The following IRAG2 variants were observed in gnomAD, a reference collection of about 807,000 sequenced individuals.
IRAG2 encodes the protein lymphoid restricted membrane protein.
Under a neutral mutation model 69.9 loss-of-function variants are expected in IRAG2, and 45 were observed. The observed-to-expected ratio is 0.64, with a 90% CI of 0.51 to 0.83. The LOEUF (loss-of-function observed/expected upper bound fraction) is 0.83. Among genes scored for constraint, IRAG2 ranks in the 40% least tolerant of loss-of-function variants. The pLI, the probability that IRAG2 is intolerant of heterozygous loss-of-function variation, is 0.00. For synonymous variants in IRAG2, 193 were observed against 202.4 expected, an observed-to-expected ratio of 0.95 and a Z score of 0.40; for missense variants, 520 against 587.0, an observed-to-expected ratio of 0.89 and a Z score of 1.18.
Position 25,107,860 on chromosome 12 carries a change from A to T in IRAG2, c.1300A>T (p.Ile434Phe), listed in dbSNP as rs1374817758. Residue 434 changes from isoleucine (I) to phenylalanine (F), a missense_variant, in exon 22 of 22, where the codon ATC becomes TTC. Coordinates refer to ENST00000556887, the MANE Select transcript of IRAG2 (RefSeq NM_001366544.2). The stretch of plus-strand genomic sequence containing the variant: ...CTGGGCAACAAATCTCAAGTCCTCC[A>T]TCAGAAAGGCTAATAAGGCCCTCTG... The part of the protein sequence containing the change: ...ASWATNLKSS[I>F]RKANKALWLS... 1 of 1,614,080 alleles carries T rather than the reference A, an allele frequency of 6.2e-7. No individual in the cohort carries two copies. The highest frequency in any genetic ancestry group is 1.1e-5 in the South Asian group (1 of 91,086).
chr12:25,073,370 C>T (rs116019986), intron 6 of IRAG2, among the ~76,000 whole-genome samples: 1,720 of 152,264 alleles, frequency 0.011, 20 homozygotes, highest in African/African-American at 0.031. Flanking sequence ...TGTTGAATGC[C>T]TATTTATTTA....
chr12:25,056,363 G>T (rs998518523), intron 1 of IRAG2, among the ~76,000 whole-genome samples: 1 of 152,180 alleles, frequency 6.6e-6, no homozygotes, highest in Admixed American at 6.5e-5. Flanking sequence ...ACTCTGATAG[G>T]ATAGGGACCC....
chr12:25,005,792 C>CA (rs1251214753), intron 2 of IRAG2, among the ~76,000 whole-genome samples: 1 of 151,980 alleles, frequency 6.6e-6, no homozygotes, highest in African/African-American at 2.4e-5. Context: ...CCTAAAACTA[C>CA]AAAAACCCTA....
intron 10 of IRAG2, among the ~76,000 whole-genome samples, chr12:25,087,153 CTT>C (rs780510333): frequency 3.0e-3 from 226 of 76,600 alleles, no homozygotes; most frequent in African/African-American, 0.011. Flanking sequence ...ACTCTCCTTC[CTT>C]TTTTTTTTTT....
chr12:25,004,368 G>A (rs1944414962), exon 1 of IRAG2: 2 of 1,232,032 alleles, frequency 1.6e-6, no homozygotes, highest in Non-Finnish European at 1.0e-6. Flanking sequence ...AGGTAACTGA[G>A]AAGCGGCATA....
intron 2 of IRAG2, among the ~76,000 whole-genome samples, chr12:25,010,599 AG>A (rs1407583738): frequency 6.6e-6 from 1 of 152,210 alleles, no homozygotes; most frequent in African/African-American, 2.4e-5. Flanking sequence ...AAAACTTTGA[AG>A]TTATTCAGCC....
At chr12:25,039,746 C>T (rs527373214) in intron 16 of IRAG2, among the ~76,000 whole-genome samples, 6 of 152,168 alleles carry the variant, frequency 3.9e-5, no homozygotes, top group South Asian at 2.1e-4. Flanking sequence ...TTCTATTTAG[C>T]AACAAAGAAC....
rs376607773 is a variant in IRAG2 at position 25,012,247 on chromosome 12, C to T, written c.896+696C>T. ...TCTGCTCACTGCAACCGCTGCCTCC[C>T]GGGTTCAAGCAATTCTCCCGCCACA... On this transcript the variant is annotated intron_variant, in intron 3 of 38. Transcript: ENST00000636465. Among the ~76,000 whole-genome samples the T allele has an allele frequency of 2.2e-3, 324 of 149,244 alleles. 3 individuals are homozygous for T. The highest frequency in any genetic ancestry group is 7.4e-3 in the African/African-American group (300 of 40,428).
At chr12:25,026,451 T>G (rs1037225183) in intron 8 of IRAG2, among the ~76,000 whole-genome samples, 2 of 151,940 alleles carry the variant, frequency 1.3e-5, no homozygotes, top group Non-Finnish European at 2.9e-5. Context: ...GGGGTCTGAG[T>G]TCATGGGAAG....
chr12:25,052,559 G>A, upstream of IRAG2: 1 of 397,212 alleles, frequency 2.5e-6, no homozygotes, highest in Non-Finnish European at 4.4e-6. Flanking sequence ...GCTGATGAAA[G>A]AGGCGACTCT....
At chr12:25,012,550 G>T (rs577759372) in intron 3 of IRAG2, among the ~76,000 whole-genome samples, 7 of 152,172 alleles carry the variant, frequency 4.6e-5, no homozygotes, top group Non-Finnish European at 8.8e-5. Context: ...AATGTTGACA[G>T]GGCGCGATGG....
At chr12:25,039,044 C>A (rs1944726290) in intron 16 of IRAG2, among the ~76,000 whole-genome samples, 2 of 152,086 alleles carry the variant, frequency 1.3e-5, no homozygotes, top group Admixed American at 1.3e-4. Context: ...ATTTTTACAC[C>A]CTGGAAACCA....
At chr12:25,040,444 A>C (rs1267241177) in intron 16 of IRAG2, among the ~76,000 whole-genome samples, 2 of 152,194 alleles carry the variant, frequency 1.3e-5, no homozygotes, top group African/African-American at 2.4e-5. Context: ...TTGAGGCTAC[A>C]GTGAGCTATA....
chr12:25,069,320 G>T, intron 5 of IRAG2, 30 bp from the exon 6 acceptor site: 1 of 1,027,386 alleles, frequency 9.7e-7, no homozygotes, highest in Non-Finnish European at 1.5e-6. Flanking sequence ...TTTTTCACCT[G>T]TAGTAAATAA....
At chr12:25,000,854 C>T (rs1944386739), upstream of IRAG2, among the ~76,000 whole-genome samples, 1 of 152,192 alleles carries the variant, frequency 6.6e-6, no homozygotes, top group Non-Finnish European at 1.5e-5. Flanking sequence ...TCACTTAATG[C>T]CTTTTCAAAG....
intron 2 of IRAG2, among the ~76,000 whole-genome samples, chr12:25,006,860 A>T (rs1481832415): frequency 1.3e-5 from 2 of 151,066 alleles, no homozygotes; most frequent in African/African-American, 5.0e-5. Context: ...CCTGAACCTA[A>T]AAGTTGAGAG....
chr12:25,106,483 A>G (rs1052267474), intron 20 of IRAG2, among the ~76,000 whole-genome samples: 1 of 98,338 alleles, frequency 1.0e-5, no homozygotes, highest in African/African-American at 3.7e-5. Context: ...ATGTGTATAT[A>G]TAGTATATAT....
chr12:25,039,493 T>A (rs951742411), intron 16 of IRAG2, among the ~76,000 whole-genome samples: 1 of 152,218 alleles, frequency 6.6e-6, no homozygotes, highest in Non-Finnish European at 1.5e-5. Context: ...TGCAGTGGCG[T>A]GATCTCTGCT....
chr12:25,006,772 C>T (rs7962599), intron 2 of IRAG2, among the ~76,000 whole-genome samples: 5,926 of 152,120 alleles, frequency 0.039, 384 homozygotes, highest in African/African-American at 0.13. Context: ...ATGCTCAGTA[C>T]GTGGGTGATG....
Sources: gnomAD v4.1 joint callset for allele counts (sites outside exome capture counted in the v4.1 genomes callset) on GRCh38, gnomAD v4.1.1 for gene constraint, MANE v1.5 for transcripts, NCBI Gene and HGNC (gene_info 2026-07-23, HGNC 2026-07-21) for gene names.